KCNQ5: variants seen among roughly 807,000 people sequenced by gnomAD.
KCNQ5 encodes potassium voltage-gated channel subfamily Q member 5.
A neutral mutation model predicts 98.2 loss-of-function variants in KCNQ5; 30 were observed. The ratio of observed to expected loss-of-function variants is 0.31; its 90% CI spans 0.23 to 0.41. The LOEUF (loss-of-function observed/expected upper bound fraction) is 0.41, where lower values mean the gene tolerates loss of function less well. Among genes scored for constraint, KCNQ5 ranks in the 10% least tolerant of loss-of-function variants. The probability of loss-of-function intolerance (pLI) is 1.00; values close to 1 mark genes in which losing one functional copy is unlikely to be tolerated. For synonymous variants in KCNQ5, 458 were observed against 449.4 expected, an observed-to-expected ratio of 1.02 and a Z score of -0.24; for missense variants, 835 against 1,182.5, an observed-to-expected ratio of 0.71 and a Z score of 4.31.
intron 2 of KCNQ5, among the ~76,000 whole-genome samples, chr6:73,038,396 A>G (rs1771536045): frequency 6.6e-6 from 1 of 151,980 alleles, no homozygotes; most frequent in African/African-American, 2.4e-5. Context: ...TATTAATATA[A>G]CTTACAATAC....
chr6:72,702,634 T>C (rs1231573762), intron 1 of KCNQ5, among the ~76,000 whole-genome samples: 3 of 152,188 alleles, frequency 2.0e-5, no homozygotes, highest in African/African-American at 7.2e-5. Context: ...ATCAGATAAG[T>C]TGTGATGTTC....
chr6:73,162,508 G>A (rs115956686), intron 10 of KCNQ5, among the ~76,000 whole-genome samples: 2,600 of 152,066 alleles, frequency 0.017, 63 homozygotes, highest in African/African-American at 0.059. Context: ...ATGAGTTCAC[G>A]GTCCCATAAC....
At chr6:73,049,050 T>C (rs1243584887) in intron 3 of KCNQ5, among the ~76,000 whole-genome samples, 2 of 152,232 alleles carry the variant, frequency 1.3e-5, no homozygotes, top group African/African-American at 4.8e-5. Flanking sequence ...ATTTTCAAAG[T>C]GGTGCCTGCA....
intron 3 of KCNQ5, among the ~76,000 whole-genome samples, chr6:73,042,777 T>C (rs965875971): frequency 3.3e-5 from 5 of 152,188 alleles, no homozygotes; most frequent in Admixed American, 6.5e-5. Flanking sequence ...GAAGATGCCA[T>C]AGAGCATTCT....
At chr6:72,935,459 G>C (rs1359614122) in intron 1 of KCNQ5, among the ~76,000 whole-genome samples, 1 of 152,006 alleles carries the variant, frequency 6.6e-6, no homozygotes, top group Non-Finnish European at 1.5e-5. Flanking sequence ...TTAAATTTAT[G>C]ACCATATGTC....
chr6:72,692,979 T>C (rs1768288369), intron 1 of KCNQ5, among the ~76,000 whole-genome samples: 1 of 152,204 alleles, frequency 6.6e-6, no homozygotes, highest in African/African-American at 2.4e-5. Context: ...ATTTTTATAA[T>C]TTATTTTCTG....
At chr6:72,721,411 T>A (rs1030967228) in intron 1 of KCNQ5, among the ~76,000 whole-genome samples, 68 of 152,234 alleles carry the variant, frequency 4.5e-4, no homozygotes, top group Admixed American at 4.5e-3. Flanking sequence ...TTTGCACTTT[T>A]TTTTTTAAAG....
intron 2 of KCNQ5, among the ~76,000 whole-genome samples, chr6:73,015,395 A>C (rs1317826925): frequency 2.0e-5 from 3 of 152,196 alleles, no homozygotes; most frequent in Non-Finnish European, 4.4e-5. Context: ...CAGAAGGATA[A>C]TAACATAGTA....
Position 73,098,939 on chromosome 6 carries a change from T to A in KCNQ5, c.919-6318T>A, listed in dbSNP as rs548572752. Among the ~76,000 whole-genome samples, 70 of 152,190 alleles carry A rather than the reference T, an allele frequency of 4.6e-4. 1 individual carries two copies. The highest frequency in any genetic ancestry group is 1.5e-3 in the African/African-American group (63 of 41,550). On this transcript the variant is annotated intron_variant, in intron 5 of 13. Coordinates refer to ENST00000370398, the MANE Select transcript of KCNQ5 (RefSeq NM_019842.4). ...ACTTATCAAAAATAACTACAACAGC[T>A]TTTCAAGATATACACAGCATAATAA...
At chr6:73,019,928 A>C (rs919628975) in intron 2 of KCNQ5, among the ~76,000 whole-genome samples, 3 of 152,206 alleles carry the variant, frequency 2.0e-5, no homozygotes, top group Non-Finnish European at 2.9e-5. Flanking sequence ...TCCTATTTTT[A>C]ACCCAGAGTA....
rs146888476 is a variant in KCNQ5 at position 73,054,257 on chromosome 6, A to T, written c.616+12195A>T. On this transcript the variant is annotated intron_variant, in intron 3 of 13. Coordinates refer to ENST00000370398, the MANE Select transcript of KCNQ5 (RefSeq NM_019842.4). ...CCAGAGGGATTCACAGCTGAATATTACAAGAAGTATAAAGAAGAGCTGGTA... is the reference window on the plus strand; with the variant it reads ...CCAGAGGGATTCACAGCTGAATATTTCAAGAAGTATAAAGAAGAGCTGGTA... 3.0e-4 allele frequency among the ~76,000 whole-genome samples: 46 copies of T among 152,324 alleles called. No individual in the cohort carries two copies. The East Asian group carries it at 7.9e-3, about 26-fold the overall frequency.
chr6:72,830,475 G>C lies in KCNQ5; in HGVS notation c.399-173433G>C, dbSNP rs1284016497. Among the ~76,000 whole-genome samples the C allele has an allele frequency of 8.6e-5, 13 of 152,046 alleles. 1 individual carries two copies. In the East Asian group the frequency reaches 2.3e-3, roughly 27 times the overall value. ...CTTTGACAAACCTGACAAAAACAAG[G>C]AATGGGGAAAGGATTCCCTATTTAA... On this transcript the variant is annotated intron_variant, in intron 1 of 13. Coordinates refer to ENST00000370398, the MANE Select transcript of KCNQ5 (RefSeq NM_019842.4).
In KCNQ5 at chr6:72,944,588, C is replaced by T. The variant is rs553455860; in HGVS notation, c.399-59320C>T. Among the ~76,000 whole-genome samples the T allele has an allele frequency of 9.5e-4, 145 of 152,246 alleles. 1 individual carries two copies. Among genetic ancestry groups the T allele is most frequent in the South Asian group, 7.5e-3 (36 of 4,826 alleles). On this transcript the variant is annotated intron_variant, in intron 1 of 13. Coordinates refer to ENST00000370398, the MANE Select transcript of KCNQ5 (RefSeq NM_019842.4). ...TTAATCCTGGGAAATAGTGCTATAA[C>T]CAAAACTGAAATCTTCCACTGTTAA...
chr6:72,766,352 G>A (rs749537905), intron 1 of KCNQ5, among the ~76,000 whole-genome samples: 1 of 151,988 alleles, frequency 6.6e-6, no homozygotes, highest in Non-Finnish European at 1.5e-5. Flanking sequence ...CACGGCCTTT[G>A]AATTTTGTTC....
chr6:72,945,763 G>A (rs1166259995), intron 1 of KCNQ5, among the ~76,000 whole-genome samples: 1 of 151,942 alleles, frequency 6.6e-6, no homozygotes, highest in South Asian at 2.1e-4. Context: ...CCTGATATAT[G>A]TATACATTGT....
chr6:73,176,086 C>A (rs1778201082), intron 11 of KCNQ5, among the ~76,000 whole-genome samples: 2 of 152,136 alleles, frequency 1.3e-5, no homozygotes, highest in Admixed American at 1.3e-4. Context: ...TAAGAATGAG[C>A]AGGAATGTGG....
intron 2 of KCNQ5, among the ~76,000 whole-genome samples, chr6:73,033,845 A>C (rs888006320): frequency 3.3e-5 from 5 of 152,138 alleles, no homozygotes; most frequent in Admixed American, 2.6e-4. Context: ...CACCAGGTCA[A>C]ATTAGTCCCT....
chr6:72,746,966 T>G (rs1295502297), intron 1 of KCNQ5, among the ~76,000 whole-genome samples: 1 of 152,164 alleles, frequency 6.6e-6, no homozygotes, highest in Admixed American at 6.6e-5. Context: ...TGTGTTACAC[T>G]CTAAGTCTTG....
chr6:73,138,312 T>A (rs541425567), intron 10 of KCNQ5, among the ~76,000 whole-genome samples: 31 of 152,314 alleles, frequency 2.0e-4, no homozygotes, highest in African/African-American at 7.5e-4. Flanking sequence ...TCCACAAGAA[T>A]GATACTAAGG....
Sources: allele counts gnomAD v4.1 joint callset (sites outside exome capture counted in the v4.1 genomes callset), GRCh38; gene constraint gnomAD v4.1.1; transcripts MANE v1.5; gene names NCBI Gene and HGNC (gene_info 2026-07-23, HGNC 2026-07-21).